MAST4: variants seen among roughly 807,000 people sequenced by gnomAD.
The protein encoded by MAST4 is microtubule associated serine/threonine kinase family member 4, also known as microtubule-associated serine/threonine-protein kinase 4.
A neutral mutation model predicts 162.7 loss-of-function variants in MAST4; 89 were observed. The ratio of observed to expected loss-of-function variants is 0.55; its 90% CI spans 0.46 to 0.65. MAST4 has a LOEUF of 0.65. Among genes scored for constraint, MAST4 ranks in the 30% least tolerant of loss-of-function variants. The pLI, the probability that MAST4 is intolerant of heterozygous loss-of-function variation, is 0.00. For synonymous variants in MAST4, 1,479 were observed against 1,361.1 expected (o/e 1.09, Z -1.91); for missense variants, 3,153 against 3,374.0 (o/e 0.93, Z 1.62).
intron 5 of MAST4, among the ~76,000 whole-genome samples, chr5:67,087,265 A>G (rs760974704): frequency 6.6e-6 from 1 of 152,054 alleles, no homozygotes; most frequent in Non-Finnish European, 1.5e-5. Context: ...CTCGTTTCTA[A>G]TCTGCTAACG....
intron 4 of MAST4, among the ~76,000 whole-genome samples, chr5:66,981,635 T>G (rs1748851614): frequency 6.6e-6 from 1 of 152,228 alleles, no homozygotes; most frequent in African/African-American, 2.4e-5. Context: ...CTTAGTTTGT[T>G]GTTCTTGGAG....
At chr5:67,056,522 G>A (rs1758847315) in intron 5 of MAST4, among the ~76,000 whole-genome samples, 1 of 152,136 alleles carries the variant, frequency 6.6e-6, no homozygotes, top group Admixed American at 6.5e-5. Context: ...TTATAGCTGT[G>A]ATTTTCTTCA....
chr5:67,069,823 C>T (rs1760716350), intron 5 of MAST4, among the ~76,000 whole-genome samples: 1 of 151,220 alleles, frequency 6.6e-6, no homozygotes, highest in Non-Finnish European at 1.5e-5. Context: ...GCAATAGTTA[C>T]CAGAGTGACC....
intron 1 of MAST4, among the ~76,000 whole-genome samples, chr5:66,708,589 G>A (rs1418659596): frequency 6.6e-6 from 1 of 152,126 alleles, no homozygotes; most frequent in Non-Finnish European, 1.5e-5. Context: ...TGAGTTTGCT[G>A]TTGGTTTCTG....
intron 1 of MAST4, among the ~76,000 whole-genome samples, chr5:66,716,810 T>C (rs1212709738): frequency 5.9e-5 from 9 of 152,246 alleles, no homozygotes; most frequent in African/African-American, 2.2e-4. Flanking sequence ...TCACCTTGAC[T>C]ACATTAACCA....
chr5:67,124,763 G>A (rs538840165), intron 14 of MAST4, among the ~76,000 whole-genome samples: 3 of 152,260 alleles, frequency 2.0e-5, no homozygotes, highest in East Asian at 1.9e-4. Flanking sequence ...GTACATCATA[G>A]CAAGGGAAAG....
chr5:66,811,426 G>A (rs983935391), intron 3 of MAST4, among the ~76,000 whole-genome samples: 11 of 152,266 alleles, frequency 7.2e-5, no homozygotes, highest in African/African-American at 2.4e-4. Flanking sequence ...ATCTAAACAC[G>A]TTAGAACTTT....
intron 1 of MAST4, among the ~76,000 whole-genome samples, chr5:66,630,238 A>G (rs944085887): frequency 6.6e-6 from 1 of 152,240 alleles, no homozygotes. Flanking sequence ...GACTCTGGCC[A>G]TCAGAATGCA....
intron 4 of MAST4, among the ~76,000 whole-genome samples, chr5:66,948,842 G>A (rs1474688904): frequency 6.6e-6 from 1 of 152,018 alleles, no homozygotes; most frequent in East Asian, 1.9e-4. Context: ...TTTATTGAGT[G>A]CCCACTCTGT....
chr5:66,742,737 T>G lies in MAST4; in HGVS notation c.364-16972T>G, dbSNP rs562014170. On this transcript the variant is annotated intron_variant, in intron 1 of 28. Coordinates refer to ENST00000403625, the MANE Select transcript of MAST4 (RefSeq NM_001164664.2). ...AACATCTTGAGTAACTTTGTGCTCT[T>G]GTAACCTACAGGAGAGTTTTCTTCT... Among the ~76,000 whole-genome samples, 3 of 152,320 alleles carry G rather than the reference T, an allele frequency of 2.0e-5. No homozygotes were observed. In the East Asian group the frequency reaches 5.8e-4, roughly 29 times the overall value.
intron 4 of MAST4, among the ~76,000 whole-genome samples, chr5:66,981,267 T>C (rs1036407095): frequency 6.6e-6 from 1 of 152,232 alleles, no homozygotes; most frequent in Admixed American, 6.5e-5. Flanking sequence ...TTTAATAATG[T>C]TCTTATTTAT....
intron 14 of MAST4, 77 bp from the exon 15 acceptor site, chr5:67,130,133 T>C: frequency 7.4e-7 from 1 of 1,346,034 alleles, no homozygotes; most frequent in Non-Finnish European, 1.0e-6. Flanking sequence ...GTTGATGATT[T>C]ATATGGTTTA....
chr5:66,644,223 G>A (rs1402486051), intron 1 of MAST4, among the ~76,000 whole-genome samples: 1 of 151,746 alleles, frequency 6.6e-6, no homozygotes, highest in African/African-American at 2.4e-5. Context: ...TAAATTCTTG[G>A]AATAGTAGCA....
chr5:66,696,572 C>G (rs542005110), intron 1 of MAST4, among the ~76,000 whole-genome samples: 1 of 152,110 alleles, frequency 6.6e-6, no homozygotes, highest in African/African-American at 2.4e-5. Flanking sequence ...CTCTGGTGCT[C>G]GGCTTCCTCA....
intron 3 of MAST4, among the ~76,000 whole-genome samples, chr5:66,843,581 G>A (rs1316131682): frequency 6.6e-6 from 1 of 152,070 alleles, no homozygotes; most frequent in Non-Finnish European, 1.5e-5. Flanking sequence ...CTGAGTATCC[G>A]GCATTAAGTT....
rs964730780 is a variant in MAST4 at position 67,064,040 on chromosome 5, T to C, written c.763+9548T>C. On this transcript the variant is annotated intron_variant, in intron 5 of 28. Transcript: ENST00000403625. The stretch of plus-strand genomic sequence containing the variant: ...TCAAGTGATGTAAATAGGCAGTTGT[T>C]GTTACATAGGTCTGAAACTCAGAGG... 2.0e-5 allele frequency among the ~76,000 whole-genome samples: 3 copies of C among 152,230 alleles called. No homozygotes were observed. In the South Asian group the frequency reaches 6.2e-4, roughly 31 times the overall value.
chr5:66,948,466 A>G (rs1434222978), intron 4 of MAST4, among the ~76,000 whole-genome samples: 2 of 152,128 alleles, frequency 1.3e-5, no homozygotes, highest in Non-Finnish European at 2.9e-5. Context: ...CCTGAAACCC[A>G]GAGCCTTTTG....
In MAST4 at chr5:67,102,416, A is replaced by T. The variant is rs544759460; in HGVS notation, c.1071-120A>T. ...GACTGATTTTGTAGTTTATTATCTGATATACTTTTCTTACAAAGGTTGCAT... is the reference window on the plus strand; with the variant it reads ...GACTGATTTTGTAGTTTATTATCTGTTATACTTTTCTTACAAAGGTTGCAT... On this transcript the variant is annotated intron_variant, in intron 8 of 28. Transcript: ENST00000403625. The T allele has an allele frequency of 2.0e-5, 17 of 865,918 alleles. 1 individual carries two copies. In the South Asian group the frequency reaches 2.2e-4, roughly 11 times the overall value. 53.6% of individuals were successfully genotyped at this position (865,918 alleles called of 1,614,324 possible).
intron 1 of MAST4, among the ~76,000 whole-genome samples, chr5:66,603,836 CT>C (rs1468796820): frequency 1.3e-5 from 2 of 152,216 alleles, no homozygotes; most frequent in Non-Finnish European, 2.9e-5. Context: ...ATTTACACAA[CT>C]TTGCATCATT....
Sources: gnomAD v4.1 joint callset for allele counts (sites outside exome capture counted in the v4.1 genomes callset) on GRCh38, gnomAD v4.1.1 for gene constraint, MANE v1.5 for transcripts, NCBI Gene and HGNC (gene_info 2026-07-23, HGNC 2026-07-21) for gene names.